GRM1: variants seen among roughly 807,000 people sequenced by gnomAD.
GRM1 encodes glutamate metabotropic receptor 1.
In GRM1, 33 loss-of-function variants were observed where a neutral mutation model predicts 90.9. The observed-to-expected ratio is 0.36, with a 90% confidence interval of 0.28 to 0.49. GRM1 has a LOEUF of 0.49. Among genes scored for constraint, GRM1 ranks in the 20% least tolerant of loss-of-function variants. The pLI is 0.99. For missense variants in GRM1, 1,190 were observed against 1,534.3 expected, an observed-to-expected ratio of 0.78 and a Z score of 3.75; for synonymous variants, 700 against 613.2, an observed-to-expected ratio of 1.14 and a Z score of -2.09.
chr6:146,358,618 G>A (rs1436217418), intron 5 of GRM1, among the ~76,000 whole-genome samples: 3 of 152,162 alleles, frequency 2.0e-5, no homozygotes, highest in Non-Finnish European at 4.4e-5. Context: ...CTTTGCTTGG[G>A]AGCTGCAAAA....
intron 2 of GRM1, among the ~76,000 whole-genome samples, chr6:146,250,727 C>T (rs1478046476): frequency 6.6e-6 from 1 of 152,162 alleles, no homozygotes; most frequent in Admixed American, 6.5e-5. Context: ...TATGGTGAAG[C>T]CAGGATTGGA....
At chr6:146,195,300 A>G (rs1779076794) in intron 2 of GRM1, among the ~76,000 whole-genome samples, 1 of 152,344 alleles carries the variant, frequency 6.6e-6, no homozygotes, top group South Asian at 2.1e-4. Flanking sequence ...AATTGCAACC[A>G]TCTTCTATTA....
chr6:146,185,647 G>A (rs747924871), intron 2 of GRM1, among the ~76,000 whole-genome samples: 10 of 152,172 alleles, frequency 6.6e-5, no homozygotes, highest in Non-Finnish European at 1.3e-4. Context: ...CCAGATTGGT[G>A]ATTTGTGGTG....
intron 1 of GRM1, among the ~76,000 whole-genome samples, chr6:146,114,261 C>A (rs1272002625): frequency 6.6e-6 from 1 of 152,078 alleles, no homozygotes; most frequent in Non-Finnish European, 1.5e-5. Context: ...AGGCAAAAAA[C>A]TTTAAATAAT....
Position 146,434,914 on chromosome 6 carries a change from G to GACC in GRM1, c.*119_*121dup, listed in dbSNP as rs1424719134. The GACC allele has an allele frequency of 1.2e-6, 1 of 860,270 alleles. No individual in the cohort carries two copies. The highest frequency in any genetic ancestry group is 1.9e-6 in the Non-Finnish European group (1 of 526,286). The allele number at this position is 860,270 out of a possible 1,614,324, so 53.3% of individuals were successfully genotyped here. On this transcript the variant is annotated 3_prime_UTR_variant, in exon 8 of 8. Transcript: ENST00000282753. ...GGGGGGCCTCGTCGGGAGGACAGGA[G>GACC]ACCGCTGCTGCTGCTGCCGCTACTG...
intron 1 of GRM1, among the ~76,000 whole-genome samples, chr6:146,039,450 C>G (rs1223955481): frequency 6.6e-6 from 1 of 151,910 alleles, no homozygotes; most frequent in Non-Finnish European, 1.5e-5. Flanking sequence ...GAGAAAGAGC[C>G]TAGGTCATGA....
At chr6:146,204,795 A>T (rs886401347) in intron 2 of GRM1, among the ~76,000 whole-genome samples, 1 of 152,184 alleles carries the variant, frequency 6.6e-6, no homozygotes, top group Non-Finnish European at 1.5e-5. Flanking sequence ...CAGCAGGGGC[A>T]CTTTTGTGCA....
chr6:146,234,695 C>A (rs1780573916), intron 2 of GRM1, among the ~76,000 whole-genome samples: 1 of 151,960 alleles, frequency 6.6e-6, no homozygotes, highest in African/African-American at 2.4e-5. Flanking sequence ...TGACAATTAT[C>A]TTTTAGAAAA....
At chr6:146,281,116 G>A (rs767319910) in intron 2 of GRM1, among the ~76,000 whole-genome samples, 3 of 152,108 alleles carry the variant, frequency 2.0e-5, no homozygotes, top group Non-Finnish European at 4.4e-5. Flanking sequence ...AAAAACATTT[G>A]GAAGAATTAT....
chr6:146,396,232 T>C (rs1776930327), intron 6 of GRM1, among the ~76,000 whole-genome samples: 1 of 152,166 alleles, frequency 6.6e-6, no homozygotes, highest in South Asian at 2.1e-4. Flanking sequence ...AAGGTTTGTA[T>C]TTAGACAGAG....
intron 1 of GRM1, among the ~76,000 whole-genome samples, chr6:146,093,827 T>C (rs1776791182): frequency 6.6e-6 from 1 of 152,082 alleles, no homozygotes; most frequent in South Asian, 2.1e-4. Context: ...AGCAGGTTTT[T>C]CTATTATAAT....
At chr6:146,333,685 T>C (rs1288715763) in intron 3 of GRM1, among the ~76,000 whole-genome samples, 1 of 152,136 alleles carries the variant, frequency 6.6e-6, no homozygotes, top group Non-Finnish European at 1.5e-5. Flanking sequence ...ACAATCCAAG[T>C]AGCCTATAGA....
chr6:146,368,941 G>T (rs1278395930), intron 5 of GRM1, among the ~76,000 whole-genome samples: 1 of 151,840 alleles, frequency 6.6e-6, no homozygotes, highest in Non-Finnish European at 1.5e-5. Flanking sequence ...TTCTTTAAAA[G>T]TCCAGTAGAA....
intron 2 of GRM1, among the ~76,000 whole-genome samples, chr6:146,249,324 G>T (rs1330111647): frequency 6.6e-6 from 1 of 152,124 alleles, no homozygotes; most frequent in East Asian, 1.9e-4. Flanking sequence ...AAGTCTAGAG[G>T]TCTAGGAGGG....
rs111323537 is a variant in GRM1 at position 146,367,824 on chromosome 6, G to A, written c.1602+10130G>A. Among the ~76,000 whole-genome samples the A allele has an allele frequency of 3.0e-3, 457 of 152,092 alleles. 4 individuals are homozygous for A. Among genetic ancestry groups the A allele is most frequent in the African/African-American group, 0.011 (440 of 41,508 alleles). On this transcript the variant is annotated intron_variant, in intron 5 of 7. Coordinates refer to ENST00000282753, the MANE Select transcript of GRM1 (RefSeq NM_001278064.2). The stretch of plus-strand genomic sequence containing the variant: ...TCTTTATTCAGTCCACCATTGATGG[G>A]CATCTAGCTTGATTCTGTGTTTTTG...
chr6:146,336,656 C>T (rs1216527604), intron 3 of GRM1, among the ~76,000 whole-genome samples: 3 of 152,196 alleles, frequency 2.0e-5, no homozygotes, highest in Non-Finnish European at 4.4e-5. Flanking sequence ...GTATTGGCTA[C>T]ATCTCTCCAC....
chr6:146,278,567 G>A (rs1213002762), intron 2 of GRM1, among the ~76,000 whole-genome samples: 1 of 152,144 alleles, frequency 6.6e-6, no homozygotes, highest in Non-Finnish European at 1.5e-5. Context: ...CCTGAGGTCA[G>A]GATTTCAAGG....
intron 3 of GRM1, among the ~76,000 whole-genome samples, chr6:146,305,312 C>G (rs1583300370): frequency 6.6e-6 from 1 of 152,170 alleles, no homozygotes; most frequent in East Asian, 1.9e-4. Flanking sequence ...GGCCAAGAAA[C>G]TGCACTCTGA....
intron 3 of GRM1, among the ~76,000 whole-genome samples, chr6:146,323,961 T>A (rs2114977182): frequency 6.6e-6 from 1 of 152,330 alleles, no homozygotes; most frequent in Non-Finnish European, 1.5e-5. Flanking sequence ...ATCTCTGTTT[T>A]GGTACCAGTA....
Sources: gnomAD v4.1 joint callset for allele counts (sites outside exome capture counted in the v4.1 genomes callset) on GRCh38, gnomAD v4.1.1 for gene constraint, MANE v1.5 for transcripts, NCBI Gene and HGNC (gene_info 2026-07-23, HGNC 2026-07-21) for gene names.